The following LPIN1 variants were observed in gnomAD, a reference collection of about 807,000 sequenced individuals.
The protein encoded by LPIN1 is phosphatidate phosphatase LPIN1.
LPIN1 carries 71 observed loss-of-function variants against 107.5 expected under a neutral mutation model. The ratio of observed to expected loss-of-function variants is 0.66; its 90% confidence interval spans 0.55 to 0.80. LPIN1 has a LOEUF of 0.80. Among genes scored for constraint, LPIN1 ranks in the 30% least tolerant of loss-of-function variants. LPIN1 has a pLI of 0.00. For missense variants in LPIN1, 1,043 were observed against 1,160.6 expected (o/e 0.90, Z 1.47); for synonymous variants, 445 against 452.6 (o/e 0.98, Z 0.21).
chr2:11,688,112 C>T lies in LPIN1; in HGVS notation c.81+10384C>T, dbSNP rs901933704. Among the ~76,000 whole-genome samples, 14 of 152,214 alleles carry T rather than the reference C, an allele frequency of 9.2e-5. 1 individual carries two copies. Among genetic ancestry groups the T allele is most frequent in the Admixed American group, 9.2e-4 (14 of 15,278 alleles). On this transcript the variant is annotated intron_variant, in intron 1 of 21. Coordinates refer to the LPIN1 transcript ENST00000449576. ...AGCCTCTCCATAGTTCTCAATGCTT[C>T]ACTCTCCGACGCGGAATTCTTGTTA...
chr2:11,803,013 C>T lies in LPIN1; in HGVS notation c.1993C>T (p.Arg665Trp), dbSNP rs781657446. Residue 665 changes from arginine (R) to tryptophan (W), a missense_variant, in exon 15 of 21, where the codon CGG becomes TGG. Transcript: ENST00000674199. This position sits in a 1 kb window ranked among gnomAD's most constrained non-coding sequence, Gnocchi z 4.2. ...TAATGTCAGCTACAAGAAGACTCTC[C>T]GGCTGACTTCCGAGCAGCTTGTGAG... ...LPNVSYKKTLRLTSEQLKSLK... is the reference protein window; with the variant it reads ...LPNVSYKKTLWLTSEQLKSLK... 9 of 1,612,528 alleles carry T rather than the reference C, an allele frequency of 5.6e-6. No homozygotes were observed. The highest frequency in any genetic ancestry group is 2.2e-5 in the East Asian group (1 of 44,890).
chr2:11,779,706 G>A (rs1673251706), intron 7 of LPIN1, 61 bp downstream of exon 7: 1 of 1,606,276 alleles, frequency 6.2e-7, no homozygotes, highest in African/African-American at 1.3e-5. Context: ...AAATTACATG[G>A]AATTAGTATC....
intron 17 of LPIN1, among the ~76,000 whole-genome samples, chr2:11,813,684 A>G (rs1680073512): frequency 6.6e-6 from 1 of 151,918 alleles, no homozygotes; most frequent in Admixed American, 6.6e-5. Flanking sequence ...GGAGGCCGAG[A>G]CGGGTGGATC....
chr2:11,695,548 AG>A (rs1662530356), intron 1 of LPIN1, among the ~76,000 whole-genome samples: 1 of 152,038 alleles, frequency 6.6e-6, no homozygotes, highest in South Asian at 2.1e-4. Context: ...TATGAGGGGG[AG>A]GGGAGGAGCA....
At position 11,725,092 on chromosome 2, in the gene LPIN1, T is replaced by G. The variant is rs111878777; in HGVS notation, c.-72+553T>G. 1.1e-4 allele frequency among the ~76,000 whole-genome samples: 17 copies of G among 152,138 alleles called. 1 individual carries two copies. The highest frequency in any genetic ancestry group is 4.1e-4 in the African/African-American group (17 of 41,526). ...CCGGCTAAAACAGTGAAATCCCATC[T>G]CTACTAAAAATACAAAACATTAGCC... is the stretch of plus-strand genomic sequence containing the variant. On this transcript the variant is annotated intron_variant, in intron 1 of 21. Transcript: ENST00000396097.
intron 11 of LPIN1, 62 bp from the exon 12 acceptor site, chr2:11,788,325 A>G (rs1675030231): frequency 5.4e-6 from 7 of 1,298,300 alleles, no homozygotes; most frequent in African/African-American, 1.5e-5. Context: ...TTTATATGAC[A>G]TTGGAAAGGT....
At chr2:11,683,558 G>C (rs1283212253) in intron 1 of LPIN1, among the ~76,000 whole-genome samples, 1 of 152,146 alleles carries the variant, frequency 6.6e-6, no homozygotes, top group Non-Finnish European at 1.5e-5. Flanking sequence ...AAGAGAAACA[G>C]GGAGGTCTGA....
chr2:11,823,047 T>C (rs1681820575), intron 20 of LPIN1: 1 of 152,220 alleles, frequency 6.6e-6, no homozygotes. Context: ...CTGAACTTGG[T>C]ATAGCTATTT....
chr2:11,690,065 T>C lies in LPIN1; in HGVS notation c.81+12337T>C, dbSNP rs75834824. On this transcript the variant is annotated intron_variant, in intron 1 of 21. Transcript: ENST00000449576. Reference sequence around the variant, plus strand: ...ATTTTATTAGTCTTGTCCAGAGTTTTAGTTTTTGTTTTAAAGAAAACCTAA... The same window carrying C: ...ATTTTATTAGTCTTGTCCAGAGTTTCAGTTTTTGTTTTAAAGAAAACCTAA... Among the ~76,000 whole-genome samples the C allele has an allele frequency of 9.7e-3, 1,477 of 152,332 alleles. 12 individuals carry two copies. Among genetic ancestry groups the C allele is most frequent in the Non-Finnish European group, 0.016 (1,108 of 68,020 alleles).
intron 1 of LPIN1, among the ~76,000 whole-genome samples, chr2:11,696,649 C>G (rs1662597706): frequency 6.6e-6 from 1 of 152,158 alleles, no homozygotes; most frequent in African/African-American, 2.4e-5. Flanking sequence ...AGACAGCAAG[C>G]TTCTGTCCTG....
chr2:11,822,757 C>T (rs1030619927), intron 20 of LPIN1, among the ~76,000 whole-genome samples: 41 of 152,130 alleles, frequency 2.7e-4, no homozygotes, highest in African/African-American at 8.9e-4. Flanking sequence ...ACCAATGAGA[C>T]GCTGTCCAGG....
Position 11,771,438 on chromosome 2 carries a change from C to T in LPIN1, c.355C>T (p.Gln119Ter). The change falls in exon 4 of 21, where the codon CAG (glutamine) becomes TAG (stop). Residue 119 changes from glutamine (Q) to a stop codon, truncating the protein, a stop_gained. Coordinates refer to ENST00000674199, the MANE Select transcript of LPIN1 (RefSeq NM_001349206.2). LOFTEE classifies it high-confidence loss of function. The surrounding 1 kb of genome is among the most constrained non-coding windows in gnomAD (Gnocchi z 4.8). The part of the protein sequence containing the change: ...LSEGASRMEC[Q>*]LKRGSVDRMR... ...AGAAGGAGCTTCGAGAATGGAATGC[C>T]AGCTGAAAAGGGGCTCTGTGGACAG... is the stretch of plus-strand genomic sequence containing the variant. The T allele has an allele frequency of 1.2e-6, 2 of 1,614,230 alleles. No individual in the cohort carries two copies. The highest frequency in any genetic ancestry group is 1.7e-6 in the Non-Finnish European group (2 of 1,180,036).
At chr2:11,795,021 A>G (rs1178716437) in intron 13 of LPIN1, among the ~76,000 whole-genome samples, 1 of 152,224 alleles carries the variant, frequency 6.6e-6, no homozygotes, top group Non-Finnish European at 1.5e-5. Context: ...AAAATATGGT[A>G]CAAAAATATT....
intron 6 of LPIN1, 123 bp downstream of exon 6, chr2:11,776,316 G>T: frequency 1.9e-6 from 1 of 526,338 alleles, no homozygotes; most frequent in Non-Finnish European, 3.3e-6. Context: ...TAGATTATAT[G>T]AAGTGAAAAT....
At chr2:11,693,757 G>A (rs1460430856) in intron 1 of LPIN1, among the ~76,000 whole-genome samples, 1 of 131,884 alleles carries the variant, frequency 7.6e-6, no homozygotes, top group Non-Finnish European at 1.6e-5. Flanking sequence ...ATTCTTGGGG[G>A]CAAGAGCCAT....
intron 6 of LPIN1, chr2:11,777,113 C>T (rs1428289800): frequency 1.3e-5 from 2 of 152,134 alleles, no homozygotes; most frequent in Non-Finnish European, 2.9e-5. Flanking sequence ...TTTTGAACAA[C>T]CCTTGATCTT....
chr2:11,734,382 C>G (rs1203032342), intron 1 of LPIN1, among the ~76,000 whole-genome samples: 1 of 152,198 alleles, frequency 6.6e-6, no homozygotes, highest in Admixed American at 6.5e-5. Context: ...GAGAGAAACT[C>G]ACCCTTTTTT....
At chr2:11,805,961 A>C (rs991308235) in intron 17 of LPIN1, among the ~76,000 whole-genome samples, 2 of 152,084 alleles carry the variant, frequency 1.3e-5, no homozygotes, top group Non-Finnish European at 2.9e-5. Context: ...TGCCTCCTCC[A>C]GCCTTTTGTG....
chr2:11,766,259 G>A (rs577641829), intron 2 of LPIN1, among the ~76,000 whole-genome samples: 5 of 152,308 alleles, frequency 3.3e-5, no homozygotes, highest in East Asian at 3.9e-4. Flanking sequence ...CAAGCCACAT[G>A]GCGTCACGTC....
Sources: gnomAD v4.1 joint callset for allele counts (sites outside exome capture counted in the v4.1 genomes callset) on GRCh38, gnomAD v4.1.1 for gene constraint, Gnocchi (gnomAD v3.1) non-coding constraint, MANE v1.5 for transcripts, NCBI Gene and HGNC (gene_info 2026-07-23, HGNC 2026-07-21) for gene names.